TBCD: variants seen among roughly 807,000 people sequenced by gnomAD.
TBCD encodes tubulin-specific chaperone D.
TBCD carries 105 observed loss-of-function variants against 169.3 expected under a neutral mutation model. The observed-to-expected ratio is 0.62, with a 90% confidence interval of 0.53 to 0.73. The LOEUF is 0.73. TBCD is among the 30% of genes least tolerant of loss of function. The pLI is 0.00. For missense variants in TBCD, 1,444 were observed against 1,600.1 expected (o/e 0.90, Z 1.66); for synonymous variants, 700 against 643.9 (o/e 1.09, Z -1.32).
At chr17:82,803,287 G>A (rs1423271851) in intron 9 of TBCD, among the ~76,000 whole-genome samples, 1 of 152,200 alleles carries the variant, frequency 6.6e-6, no homozygotes, top group Non-Finnish European at 1.5e-5. Flanking sequence ...TAGCCTTTCA[G>A]GGACTTAGGT....
chr17:82,775,035 G>C (rs142490399), intron 6 of TBCD, among the ~76,000 whole-genome samples: 229 of 152,378 alleles, frequency 1.5e-3, no homozygotes, highest in African/African-American at 4.9e-3. Flanking sequence ...TCTGTGGAGT[G>C]CGGTGCCTGT....
chr17:82,760,653 T>C (rs1399620017), intron 2 of TBCD, among the ~76,000 whole-genome samples: 1 of 152,248 alleles, frequency 6.6e-6, no homozygotes, highest in Non-Finnish European at 1.5e-5. Context: ...TATAATTACA[T>C]ACTATAGAGT....
chr17:82,893,430 TGCCTCAG>T, intron 16 of TBCD, 110 bp from the exon 17 acceptor site: 1 of 774,476 alleles, frequency 1.3e-6, no homozygotes, highest in Non-Finnish European at 2.1e-6. Flanking sequence ...GCTCACCACC[TGCCTCAG>T]GGCTCGGGGT....
chr17:82,935,435 C>T (rs187349502), intron 34 of TBCD, among the ~76,000 whole-genome samples: 2 of 152,286 alleles, frequency 1.3e-5, no homozygotes, highest in Admixed American at 6.5e-5. Context: ...TCTCAGCCTG[C>T]CACTCACAGG....
chr17:82,803,219 G>A (rs975977808), intron 9 of TBCD, among the ~76,000 whole-genome samples: 2 of 152,156 alleles, frequency 1.3e-5, no homozygotes, highest in African/African-American at 2.4e-5. Flanking sequence ...GTCTTTCTCA[G>A]CTCTTTTCCT....
rs1489213608 is a variant in TBCD, at chr17:82,884,398, G to A, written c.1533+196G>A. ...TGGGCGTCTTCAGCGTGTGAAGGGC[G>A]GTCAGGGTTAAGCATCCCCAGAGCT... On this transcript the variant is annotated intron_variant, in intron 15 of 38. Coordinates refer to ENST00000355528, the MANE Select transcript of TBCD (RefSeq NM_005993.5). The surrounding 1 kb of genome is among the most constrained non-coding windows in gnomAD (Gnocchi z 4.2). 1.3e-5 allele frequency among the ~76,000 whole-genome samples: 2 copies of A among 152,164 alleles called. No homozygotes were observed. The highest frequency in any genetic ancestry group is 2.1e-4 in the South Asian group (1 of 4,820).
chr17:82,932,950 G>A, intron 34 of TBCD: 1 of 573,260 alleles, frequency 1.7e-6, no homozygotes, highest in South Asian at 2.0e-5. Context: ...ATGACTGTAA[G>A]TGCAGTCAGC....
At chr17:82,830,947 A>T (rs2145247983) in intron 13 of TBCD, 1 of 1,613,096 alleles carries the variant, frequency 6.2e-7, no homozygotes, top group South Asian at 1.1e-5. Context: ...CAGTGTGAGC[A>T]AGTATAAGCC....
rs184240319 is a variant in TBCD, at chr17:82,794,258, G to A, written c.772-3499G>A. 1.4e-4 allele frequency among the ~76,000 whole-genome samples: 22 copies of A among 152,376 alleles called. No individual in the cohort carries two copies. In the East Asian group the frequency reaches 1.5e-3, roughly 11 times the overall value. On this transcript the variant is annotated intron_variant, in intron 7 of 38. Transcript: ENST00000355528. ...CTGGGCTTGGAGAACATGCCCCAGG[G>A]GGGGGAAGCTGGCTCGCACGTTGCA...
At chr17:82,919,982 A>G (rs2061317336) in intron 23 of TBCD, among the ~76,000 whole-genome samples, 1 of 152,188 alleles carries the variant, frequency 6.6e-6, no homozygotes, top group Non-Finnish European at 1.5e-5. Context: ...TGTTAGGTAG[A>G]GACGGTGGGA....
rs2050992248 is a variant in TBCD at position 82,806,730 on chromosome 17, C to T, written c.1087+719C>T. 6.6e-6 allele frequency among the ~76,000 whole-genome samples: 1 copy of T among 152,168 alleles called. No homozygotes were observed. The highest frequency in any genetic ancestry group is 2.1e-4 in the South Asian group (1 of 4,830). On this transcript the variant is annotated intron_variant, in intron 10 of 38. Coordinates refer to ENST00000355528, the MANE Select transcript of TBCD (RefSeq NM_005993.5). This position sits in a 1 kb window ranked among gnomAD's most constrained non-coding sequence, Gnocchi z 5.1. The stretch of plus-strand genomic sequence containing the variant: ...CGCTCCCTCCAGGGCAGGTTTCTCC[C>T]CAGTCATCTGCACCCCACCTCGACC...
intron 9 of TBCD, among the ~76,000 whole-genome samples, chr17:82,805,327 C>T (rs2050878820): frequency 6.6e-6 from 1 of 152,186 alleles, no homozygotes; most frequent in Admixed American, 6.5e-5. Flanking sequence ...GTGCCATGGG[C>T]CCCTTCATGG....
At position 82,939,460 on chromosome 17, in the gene TBCD, C is replaced by G. The variant is rs759776213; in HGVS notation, c.3463C>G (p.Leu1155Val). The change falls in exon 37 of 39, where the codon CTC (leucine) becomes GTC (valine). Residue 1155 changes from leucine to valine, a missense_variant. Coordinates refer to ENST00000355528, the MANE Select transcript of TBCD (RefSeq NM_005993.5). ...ADVLDEVVTV[L>V]SDTAWDAELA... is the part of the protein sequence containing the mutation. ...TGTGCTGGACGAGGTGGTGACTGTG[C>G]TCAGTGACACTGCGTGGTGAGTGAA... 7.4e-6 allele frequency: 12 copies of G among 1,613,156 alleles called. No homozygotes were observed. In the African/African-American group the frequency reaches 1.5e-4, roughly 20 times the overall value.
At chr17:82,878,202 G>A (rs2058097048) in intron 14 of TBCD, among the ~76,000 whole-genome samples, 1 of 152,202 alleles carries the variant, frequency 6.6e-6, no homozygotes, top group Non-Finnish European at 1.5e-5. Context: ...TGTGCCCTCA[G>A]CCTCCTCTGC....
chr17:82,844,962 A>C (rs553153842), intron 13 of TBCD, among the ~76,000 whole-genome samples: 1 of 152,086 alleles, frequency 6.6e-6, no homozygotes, highest in East Asian at 1.9e-4. Context: ...TACCCAGCCC[A>C]GAGGGCGATG....
At chr17:82,877,499 C>T (rs980548120) in intron 14 of TBCD, among the ~76,000 whole-genome samples, 7 of 152,098 alleles carry the variant, frequency 4.6e-5, no homozygotes, top group African/African-American at 1.7e-4. Context: ...ATCACCACCC[C>T]CGATTAAGTT....
At chr17:82,778,273 C>G (rs984855158) in intron 6 of TBCD, among the ~76,000 whole-genome samples, 2 of 152,118 alleles carry the variant, frequency 1.3e-5, no homozygotes, top group African/African-American at 4.8e-5. Context: ...GGGTGGCTTG[C>G]CGCCCACAGT....
intron 6 of TBCD, among the ~76,000 whole-genome samples, chr17:82,781,162 C>T (rs3791173): frequency 6.6e-6 from 1 of 151,752 alleles, no homozygotes; most frequent in Admixed American, 6.6e-5. Context: ...GGGGCTGGGG[C>T]CCAGCTGCCG....
At chr17:82,784,615 G>A (rs908763202) in intron 7 of TBCD, among the ~76,000 whole-genome samples, 11 of 152,270 alleles carry the variant, frequency 7.2e-5, no homozygotes, top group African/African-American at 2.4e-4. Flanking sequence ...TTTGCCTTGG[G>A]TCTCACTGAG....
Sources: gnomAD v4.1 joint callset for allele counts (sites outside exome capture counted in the v4.1 genomes callset) on GRCh38, gnomAD v4.1.1 for gene constraint, Gnocchi (gnomAD v3.1) non-coding constraint, MANE v1.5 for transcripts, NCBI Gene and HGNC (gene_info 2026-07-23, HGNC 2026-07-21) for gene names.